SCHIP1: variants seen among roughly 807,000 people sequenced by gnomAD.
The protein encoded by SCHIP1 is schwannomin interacting protein 1, also known as schwannomin-interacting protein 1.
Under a neutral mutation model 29.7 loss-of-function variants are expected in SCHIP1, and 8 were observed. The ratio of observed to expected loss-of-function variants is 0.27; its 90% CI spans 0.16 to 0.49. The LOEUF is 0.49. Among genes scored for constraint, SCHIP1 ranks in the 20% least tolerant of loss-of-function variants. The probability of loss-of-function intolerance (pLI) is 0.99; values close to 1 mark genes in which losing one functional copy is unlikely to be tolerated. For missense variants in SCHIP1, 193 were observed against 294.6 expected (o/e 0.66, Z 2.52); for synonymous variants, 76 against 94.9 (o/e 0.80, Z 1.16).
the SCHIP1 span, among the ~76,000 whole-genome samples, chr3:159,394,163 T>C: frequency 6.7e-6 from 1 of 149,454 alleles, no homozygotes; most frequent in Non-Finnish European, 1.5e-5. Context: ...TACATTGATT[T>C]TGTATCCTGA....
At chr3:159,772,470 C>G in the SCHIP1 span, among the ~76,000 whole-genome samples, 1 of 152,146 alleles carries the variant, frequency 6.6e-6, no homozygotes, top group African/African-American at 2.4e-5. Context: ...TGAATTCTCT[C>G]TTGTCTTCTT....
the SCHIP1 span, among the ~76,000 whole-genome samples, chr3:159,357,112 AAGAG>A: frequency 1.1e-4 from 16 of 152,332 alleles, no homozygotes; most frequent in East Asian, 3.1e-3. Flanking sequence ...AATGAGTTTT[AAGAG>A]AGAGAAAGTG....
the SCHIP1 span, among the ~76,000 whole-genome samples, chr3:159,384,121 C>T: frequency 1.3e-5 from 2 of 151,018 alleles, no homozygotes; most frequent in Admixed American, 6.6e-5. Context: ...GCCTAATTGC[C>T]CTGGCCAGCA....
intron 6 of SCHIP1, chr3:159,892,694 T>G (rs1360036092): frequency 1.2e-5 from 2 of 161,782 alleles, no homozygotes; most frequent in African/African-American, 4.8e-5. Flanking sequence ...GGACTTGAGT[T>G]TTTAGCTGGG....
At chr3:159,852,361 A>G (rs1368306395) in intron 1 of SCHIP1, among the ~76,000 whole-genome samples, 1 of 152,238 alleles carries the variant, frequency 6.6e-6, no homozygotes, top group African/African-American at 2.4e-5. Flanking sequence ...TCCTGCAAAC[A>G]GTAGCTTTAT....
At chr3:159,744,320 T>A in the SCHIP1 span, among the ~76,000 whole-genome samples, 1 of 152,220 alleles carries the variant, frequency 6.6e-6, no homozygotes, top group Non-Finnish European at 1.5e-5. Context: ...CAAAAAACTT[T>A]AAAATGTTGC....
chr3:159,605,664 C>T, the SCHIP1 span, among the ~76,000 whole-genome samples: 2 of 152,100 alleles, frequency 1.3e-5, no homozygotes, highest in Non-Finnish European at 2.9e-5. Flanking sequence ...AAGAAAAAAA[C>T]AGCTACGTTA....
the SCHIP1 span, among the ~76,000 whole-genome samples, chr3:159,683,487 T>C: frequency 1.3e-5 from 2 of 152,196 alleles, no homozygotes; most frequent in East Asian, 3.8e-4. Flanking sequence ...TCTAGATTTT[T>C]CGTGCCATTC....
chr3:159,809,399 T>G, the SCHIP1 span, among the ~76,000 whole-genome samples: 1 of 152,308 alleles, frequency 6.6e-6, no homozygotes, highest in Admixed American at 6.5e-5. Context: ...GATGGACATT[T>G]GGGTTGGTTC....
the SCHIP1 span, among the ~76,000 whole-genome samples, chr3:159,364,122 T>C: frequency 1.3e-5 from 2 of 152,204 alleles, no homozygotes; most frequent in African/African-American, 4.8e-5. Context: ...ATTTTTACTG[T>C]TTTTTTGTTG....
chr3:159,591,570 A>G, the SCHIP1 span, among the ~76,000 whole-genome samples: 1 of 152,228 alleles, frequency 6.6e-6, no homozygotes, highest in Non-Finnish European at 1.5e-5. Flanking sequence ...CATATATGCC[A>G]TGGAATACTA....
the SCHIP1 span, among the ~76,000 whole-genome samples, chr3:159,812,808 G>A: frequency 6.6e-6 from 1 of 152,148 alleles, no homozygotes; most frequent in Non-Finnish European, 1.5e-5. Context: ...CTGAGAGACT[G>A]GGTAATTTAT....
the SCHIP1 span, among the ~76,000 whole-genome samples, chr3:159,297,464 A>C: frequency 6.6e-6 from 1 of 152,196 alleles, no homozygotes; most frequent in Admixed American, 6.5e-5. Context: ...CTCATTTTTC[A>C]GGGAGGTTGA....
At chr3:159,344,236 G>A in the SCHIP1 span, among the ~76,000 whole-genome samples, 28 of 151,126 alleles carry the variant, frequency 1.9e-4, no homozygotes, top group East Asian at 2.7e-3. Flanking sequence ...CAGGAGAATC[G>A]CTTGAACCCA....
chr3:159,719,060 G>T, the SCHIP1 span, among the ~76,000 whole-genome samples: 42 of 152,192 alleles, frequency 2.8e-4, no homozygotes, highest in African/African-American at 9.9e-4. Context: ...ACAGAACAGC[G>T]CCCTCAGAAA....
chr3:159,857,064 C>T (rs1264536130), intron 1 of SCHIP1, among the ~76,000 whole-genome samples: 1 of 152,306 alleles, frequency 6.6e-6, no homozygotes, highest in African/African-American at 2.4e-5. Flanking sequence ...AAAATCTCTT[C>T]CGCTTTGTGG....
chr3:159,762,481 C>T, the SCHIP1 span, among the ~76,000 whole-genome samples: 1 of 152,218 alleles, frequency 6.6e-6, no homozygotes, highest in African/African-American at 2.4e-5. Flanking sequence ...CCTCTTCTTC[C>T]ATCTGGACTG....
chr3:159,355,227 C>G, the SCHIP1 span, among the ~76,000 whole-genome samples: 1 of 151,880 alleles, frequency 6.6e-6, no homozygotes, highest in Non-Finnish European at 1.5e-5. Flanking sequence ...CCTCCCTCCC[C>G]CTACACCACC....
chr3:159,697,171 G>C, the SCHIP1 span, among the ~76,000 whole-genome samples: 3 of 152,190 alleles, frequency 2.0e-5, no homozygotes, highest in Non-Finnish European at 4.4e-5. Context: ...GTACCAGTAG[G>C]AAAGCAGAAA....
Sources: allele counts gnomAD v4.1 joint callset (sites outside exome capture counted in the v4.1 genomes callset), GRCh38; gene constraint gnomAD v4.1.1; transcripts MANE v1.5; gene names NCBI Gene and HGNC (gene_info 2026-07-23, HGNC 2026-07-21).